Variants in CADM2 observed in about 807,000 individuals in gnomAD.
CADM2 encodes immunoglobulin superfamily member 4D.
Under a neutral mutation model 49.8 loss-of-function variants are expected in CADM2, and 12 were observed. The observed-to-expected ratio is 0.24, with a 90% CI of 0.15 to 0.39. The LOEUF (loss-of-function observed/expected upper bound fraction) is 0.39, where lower values mean the gene tolerates loss of function less well. CADM2 is among the 10% of genes least tolerant of loss of function. The probability of loss-of-function intolerance (pLI) is 1.00; values close to 1 mark genes in which losing one functional copy is unlikely to be tolerated. For synonymous variants in CADM2, 214 were observed against 175.4 expected, an observed-to-expected ratio of 1.22 and a Z score of -1.74; for missense variants, 378 against 492.3, an observed-to-expected ratio of 0.77 and a Z score of 2.20.
intron 1 of CADM2, among the ~76,000 whole-genome samples, chr3:85,617,905 A>G (rs2063843033): frequency 6.6e-6 from 1 of 152,216 alleles, no homozygotes; most frequent in African/African-American, 2.4e-5. Flanking sequence ...AACGTTACAT[A>G]TTATAATGAA....
intron 8 of CADM2, among the ~76,000 whole-genome samples, chr3:86,062,276 A>C (rs1239094405): frequency 6.6e-6 from 1 of 152,240 alleles, no homozygotes; most frequent in Non-Finnish European, 1.5e-5. Flanking sequence ...GGATATTTCA[A>C]GTAATACAAA....
At chr3:85,004,535 G>A (rs952431997) in intron 1 of CADM2, among the ~76,000 whole-genome samples, 3 of 152,120 alleles carry the variant, frequency 2.0e-5, no homozygotes, top group Non-Finnish European at 4.4e-5. Context: ...AACACAGGGT[G>A]CTTCTGAGGC....
intron 1 of CADM2, among the ~76,000 whole-genome samples, chr3:85,216,057 T>A (rs2041917816): frequency 6.6e-6 from 1 of 151,976 alleles, no homozygotes; most frequent in Non-Finnish European, 1.5e-5. Flanking sequence ...GTTCACCTGA[T>A]TTTTGGCTAT....
chr3:85,654,687 G>T (rs762803347), intron 1 of CADM2, among the ~76,000 whole-genome samples: 2 of 152,152 alleles, frequency 1.3e-5, no homozygotes, highest in Non-Finnish European at 2.9e-5. Context: ...TTTAAAATTG[G>T]ATAGCCTCTA....
intron 1 of CADM2, among the ~76,000 whole-genome samples, chr3:85,342,174 C>A (rs1340163650): frequency 6.6e-6 from 1 of 151,836 alleles, no homozygotes; most frequent in Non-Finnish European, 1.5e-5. Context: ...TAGAAAAAAA[C>A]AAACAACCCC....
intron 8 of CADM2, among the ~76,000 whole-genome samples, chr3:86,021,520 G>A (rs753446136): frequency 6.6e-6 from 1 of 152,056 alleles, no homozygotes; most frequent in African/African-American, 2.4e-5. Context: ...CAAAAAGTCT[G>A]TGAAAAATAT....
At chr3:85,956,242 C>T (rs2108599991) in intron 7 of CADM2, among the ~76,000 whole-genome samples, 1 of 151,622 alleles carries the variant, frequency 6.6e-6, no homozygotes, top group Non-Finnish European at 1.5e-5. Flanking sequence ...TTTAAATGAT[C>T]TCTTTGGATG....
intron 1 of CADM2, among the ~76,000 whole-genome samples, chr3:85,534,869 T>A (rs1363226867): frequency 6.6e-6 from 1 of 152,144 alleles, no homozygotes; most frequent in Non-Finnish European, 1.5e-5. Context: ...AAGAAAATGA[T>A]TGCAATGAGT....
At chr3:85,371,024 G>A (rs1335841357) in intron 1 of CADM2, among the ~76,000 whole-genome samples, 1 of 152,016 alleles carries the variant, frequency 6.6e-6, no homozygotes, top group African/African-American at 2.4e-5. Context: ...ATTTTATACA[G>A]GTGTATAACG....
chr3:85,311,388 T>TTA (rs776805946), intron 1 of CADM2, among the ~76,000 whole-genome samples: 13,368 of 148,246 alleles, frequency 0.09, 1,232 homozygotes, highest in African/African-American at 0.24. Flanking sequence ...TATTATTATT[T>TTA]TTTTTGAAAC....
intron 1 of CADM2, among the ~76,000 whole-genome samples, chr3:85,690,033 A>G (rs1409219725): frequency 6.6e-6 from 1 of 152,200 alleles, no homozygotes; most frequent in African/African-American, 2.4e-5. Flanking sequence ...CAAAGGGTCA[A>G]TGCAGAATGA....
At position 85,457,343 on chromosome 3, in the gene CADM2, G is replaced by C. The variant is rs187626814; in HGVS notation, c.62-269179G>C. On this transcript the variant is annotated intron_variant, in intron 1 of 9. Coordinates refer to ENST00000383699, the MANE Select transcript of CADM2 (RefSeq NM_001167675.2). ...CAGGAAGGTCGCTTGAGCCTAGGAGGTCAAGGCTGCAGTGAGCCATGATTG... is the reference window on the plus strand; with the variant it reads ...CAGGAAGGTCGCTTGAGCCTAGGAGCTCAAGGCTGCAGTGAGCCATGATTG... 3.3e-4 allele frequency among the ~76,000 whole-genome samples: 50 copies of C among 151,930 alleles called. No individual in the cohort carries two copies. The East Asian group carries it at 8.6e-3, about 26-fold the overall frequency.
At chr3:84,975,795 C>T (rs949013527) in intron 1 of CADM2, among the ~76,000 whole-genome samples, 1 of 151,832 alleles carries the variant, frequency 6.6e-6, no homozygotes, top group East Asian at 1.9e-4. Flanking sequence ...TGTCATCTTA[C>T]AATGTAGAGA....
At chr3:85,574,449 G>A (rs2062572866) in intron 1 of CADM2, among the ~76,000 whole-genome samples, 1 of 152,140 alleles carries the variant, frequency 6.6e-6, no homozygotes, top group Admixed American at 6.5e-5. Flanking sequence ...CTTACTGTCA[G>A]TCCACTACAG....
chr3:85,275,499 A>G (rs537679091), intron 1 of CADM2, among the ~76,000 whole-genome samples: 1 of 151,578 alleles, frequency 6.6e-6, no homozygotes, highest in Non-Finnish European at 1.5e-5. Context: ...ACTCATGTAT[A>G]TATGATTTAT....
intron 1 of CADM2, among the ~76,000 whole-genome samples, chr3:85,700,452 T>G (rs2066720172): frequency 6.6e-6 from 1 of 152,156 alleles, no homozygotes; most frequent in Admixed American, 6.6e-5. Flanking sequence ...AATTGTACAT[T>G]CTGCATATGT....
At chr3:85,772,069 C>T (rs2070124756) in intron 2 of CADM2, among the ~76,000 whole-genome samples, 1 of 144,786 alleles carries the variant, frequency 6.9e-6, no homozygotes, top group South Asian at 2.2e-4. Flanking sequence ...ATCTGTGCAC[C>T]TCTGACACTA....
At chr3:85,248,477 T>C (rs1173648224) in intron 1 of CADM2, among the ~76,000 whole-genome samples, 1 of 152,166 alleles carries the variant, frequency 6.6e-6, no homozygotes, top group Non-Finnish European at 1.5e-5. Context: ...GGTTTCACCA[T>C]GTTACCCCGG....
chr3:85,687,802 G>C (rs897967005), intron 1 of CADM2, among the ~76,000 whole-genome samples: 1 of 152,120 alleles, frequency 6.6e-6, no homozygotes, highest in Non-Finnish European at 1.5e-5. Context: ...TCCCCACACT[G>C]CTTGCCATGG....
Sources: gnomAD v4.1 joint callset for allele counts (sites outside exome capture counted in the v4.1 genomes callset) on GRCh38, gnomAD v4.1.1 for gene constraint, MANE v1.5 for transcripts, NCBI Gene and HGNC (gene_info 2026-07-23, HGNC 2026-07-21) for gene names.